PCDHA3: variants seen among roughly 807,000 people sequenced by gnomAD.
The protein encoded by PCDHA3 is protocadherin alpha 3, also known as protocadherin alpha-3.
In PCDHA3, 41 loss-of-function variants were observed where a neutral mutation model predicts 62.2. The ratio of observed to expected loss-of-function variants is 0.66; its 90% CI spans 0.51 to 0.86. The LOEUF is 0.86. PCDHA3 is among the 40% of genes least tolerant of loss of function. The pLI is 0.00. For synonymous variants in PCDHA3, 640 were observed against 555.4 expected (o/e 1.15, Z -2.14); for missense variants, 1,304 against 1,241.2 (o/e 1.05, Z -0.76).
At chr5:140,929,013 G>A in intron 1 of PCDHA3, 1 of 1,614,120 alleles carries the variant, frequency 6.2e-7, no homozygotes, top group South Asian at 1.1e-5. Context: ...GTACCAAGTT[G>A]CACCAGAGCC....
intron 1 of PCDHA3, chr5:140,966,627 C>G: frequency 6.3e-6 from 6 of 951,596 alleles, no homozygotes; most frequent in Non-Finnish European, 8.6e-6. Flanking sequence ...AGGGAGCGGC[C>G]CCAGGCGCTT....
chr5:140,830,345 C>A lies in PCDHA3; in HGVS notation c.2394+26754C>A, dbSNP rs1275311628. ...CGCAGTGGGGAGCTGGTCGTACTCG[C>A]AGCAGAGGCGGCAGAGGGTGTGCTC... On this transcript the variant is annotated intron_variant, in intron 1 of 3. Transcript: ENST00000522353. 1.2e-6 allele frequency: 2 copies of A among 1,613,980 alleles called. No individual in the cohort carries two copies. Among genetic ancestry groups the A allele is most frequent in the African/African-American group, 2.7e-5 (2 of 74,922 alleles).
chr5:140,956,701 G>T (rs549659732), intron 1 of PCDHA3, among the ~76,000 whole-genome samples: 1 of 152,138 alleles, frequency 6.6e-6, no homozygotes, highest in Non-Finnish European at 1.5e-5. Context: ...CCATTGTTTG[G>T]AATAGCTTCA....
chr5:140,806,764 T>C (rs1049198745), intron 1 of PCDHA3, among the ~76,000 whole-genome samples: 6 of 152,098 alleles, frequency 3.9e-5, no homozygotes, highest in Non-Finnish European at 8.8e-5. Flanking sequence ...TAGGTCTCTG[T>C]AATACTTAAA....
chr5:141,009,269 A>G (rs2098404104), intron 3 of PCDHA3, among the ~76,000 whole-genome samples: 1 of 152,140 alleles, frequency 6.6e-6, no homozygotes, highest in Non-Finnish European at 1.5e-5. Flanking sequence ...AGCCTGGGCA[A>G]CATAGTGAGA....
intron 1 of PCDHA3, among the ~76,000 whole-genome samples, chr5:140,938,727 GA>G (rs2092176789): frequency 6.6e-6 from 1 of 151,904 alleles, no homozygotes; most frequent in Admixed American, 6.6e-5. Flanking sequence ...CGTTTCTACA[GA>G]AAAAAATAAT....
intron 1 of PCDHA3, among the ~76,000 whole-genome samples, chr5:140,941,286 C>CTCTT (rs5871754): frequency 5.6e-5 from 6 of 106,818 alleles, no homozygotes; most frequent in African/African-American, 1.4e-4. Context: ...TCCTTCCTTT[C>CTCTT]TCTTTCTTTC....
intron 1 of PCDHA3, among the ~76,000 whole-genome samples, chr5:140,922,507 C>G (rs2080870221): frequency 1.3e-5 from 2 of 152,154 alleles, no homozygotes; most frequent in Non-Finnish European, 2.9e-5. Flanking sequence ...AGCAGATGCA[C>G]CATTATTTCA....
chr5:140,852,584 T>G, intron 1 of PCDHA3: 1 of 824,250 alleles, frequency 1.2e-6, no homozygotes, highest in Non-Finnish European at 1.5e-6. Flanking sequence ...GCTTTTTTAT[T>G]TTTTTTTTTT....
intron 1 of PCDHA3, among the ~76,000 whole-genome samples, chr5:140,880,565 A>T (rs1554171321): frequency 6.6e-6 from 1 of 152,206 alleles, no homozygotes; most frequent in Non-Finnish European, 1.5e-5. Flanking sequence ...TGAGGTTGAG[A>T]ATTTGAGAAG....
intron 1 of PCDHA3, among the ~76,000 whole-genome samples, chr5:140,917,939 G>A (rs1408047210): frequency 6.6e-6 from 1 of 151,830 alleles, no homozygotes; most frequent in African/African-American, 2.4e-5. Context: ...AAATAATATT[G>A]GTAGTTTGAT....
At chr5:140,898,410 C>T (rs1554187963) in intron 1 of PCDHA3, among the ~76,000 whole-genome samples, 4 of 152,212 alleles carry the variant, frequency 2.6e-5, no homozygotes. Flanking sequence ...CTACATACGG[C>T]TAGCCAGTTT....
At chr5:140,850,181 G>A (rs2150471604) in intron 1 of PCDHA3, 2 of 1,593,852 alleles carry the variant, frequency 1.3e-6, no homozygotes, top group East Asian at 2.2e-5. Context: ...ACGACAATGC[G>A]CCGGCGCTGC....
At chr5:140,893,117 T>C (rs536917492) in intron 1 of PCDHA3, among the ~76,000 whole-genome samples, 72 of 152,356 alleles carry the variant, frequency 4.7e-4, no homozygotes, top group South Asian at 1.2e-3. Flanking sequence ...GTTGTGCATA[T>C]ACACCACATT....
At chr5:140,923,468 G>T (rs2081380588) in intron 1 of PCDHA3, among the ~76,000 whole-genome samples, 1 of 152,098 alleles carries the variant, frequency 6.6e-6, no homozygotes, top group African/African-American at 2.4e-5. Flanking sequence ...GGTAGGGGCT[G>T]CAGTGAGCCA....
In PCDHA3 at chr5:140,928,021, T is replaced by G. The variant is rs1554205382; in HGVS notation, c.2395-50928T>G. ...CCTCGATTCTAATGGTAGGGTCATT[T>G]GTGGCATGTCTAGTGCAGGCCCTTT... On this transcript the variant is annotated intron_variant, in intron 1 of 3. Coordinates refer to ENST00000522353, the MANE Select transcript of PCDHA3 (RefSeq NM_018906.3). 3 of 1,614,220 alleles carry G rather than the reference T, an allele frequency of 1.9e-6. No individual in the cohort carries two copies. The African/African-American group carries it at 4.0e-5, about 22-fold the overall frequency.
At chr5:140,984,307 G>T (rs2153833813) in intron 3 of PCDHA3, among the ~76,000 whole-genome samples, 1 of 152,288 alleles carries the variant, frequency 6.6e-6, no homozygotes, top group Non-Finnish European at 1.5e-5. Context: ...GCTGGTTGGT[G>T]TGTATTCCTA....
intron 3 of PCDHA3, among the ~76,000 whole-genome samples, chr5:140,985,428 T>C (rs782337868): frequency 2.0e-5 from 3 of 152,192 alleles, no homozygotes; most frequent in Non-Finnish European, 4.4e-5. Context: ...GGAGGATTTA[T>C]TAGTTGCTGC....
intron 1 of PCDHA3, chr5:140,966,905 T>C (rs1554228876): frequency 1.9e-6 from 3 of 1,600,790 alleles, no homozygotes; most frequent in Non-Finnish European, 2.5e-6. Flanking sequence ...GCTGCGATAC[T>C]CTGTGCCAGA....
Sources: gnomAD v4.1 joint callset for allele counts (sites outside exome capture counted in the v4.1 genomes callset) on GRCh38, gnomAD v4.1.1 for gene constraint, MANE v1.5 for transcripts, NCBI Gene and HGNC (gene_info 2026-07-23, HGNC 2026-07-21) for gene names.